Variants in ZNF804B observed in about 807,000 individuals in gnomAD.
ZNF804B encodes the protein zinc finger protein 804B.
Under a neutral mutation model 101.4 loss-of-function variants are expected in ZNF804B, and 80 were observed. That is an observed-to-expected ratio of 0.79 (90% confidence interval 0.66 to 0.95). The LOEUF (loss-of-function observed/expected upper bound fraction) is 0.95, where lower values mean the gene tolerates loss of function less well. ZNF804B is among the 40% of genes least tolerant of loss of function. The pLI is 0.00. For synonymous variants in ZNF804B, 622 were observed against 558.8 expected (o/e 1.11, Z -1.59); for missense variants, 1,673 against 1,561.9 (o/e 1.07, Z -1.20).
At chr7:88,806,612 G>A (rs1251085089) in intron 1 of ZNF804B, among the ~76,000 whole-genome samples, 1 of 151,548 alleles carries the variant, frequency 6.6e-6, no homozygotes, top group East Asian at 1.9e-4. Flanking sequence ...TATCTCATTT[G>A]AGGGGTGTGT....
chr7:89,303,282 A>G (rs1248065558), intron 2 of ZNF804B, among the ~76,000 whole-genome samples: 1 of 151,974 alleles, frequency 6.6e-6, no homozygotes, highest in Non-Finnish European at 1.5e-5. Context: ...GGATATTTCA[A>G]AGCTTTCATA....
At chr7:88,927,717 G>A (rs907234281) in intron 1 of ZNF804B, among the ~76,000 whole-genome samples, 2 of 152,012 alleles carry the variant, frequency 1.3e-5, no homozygotes, top group Non-Finnish European at 2.9e-5. Flanking sequence ...TTCCCCAAGT[G>A]ATCAACACTT....
intron 1 of ZNF804B, among the ~76,000 whole-genome samples, chr7:88,999,888 T>G (rs1414464730): frequency 1.3e-5 from 2 of 151,994 alleles, no homozygotes; most frequent in African/African-American, 4.8e-5. Context: ...CTTTGAAAAT[T>G]GTTAACAACT....
At chr7:89,137,906 G>A (rs1790660260) in intron 1 of ZNF804B, among the ~76,000 whole-genome samples, 1 of 152,068 alleles carries the variant, frequency 6.6e-6, no homozygotes, top group African/African-American at 2.4e-5. Flanking sequence ...GAGTCCCCAA[G>A]CTGTATGCAT....
At chr7:88,899,972 C>A (rs903365436) in intron 1 of ZNF804B, among the ~76,000 whole-genome samples, 1 of 152,008 alleles carries the variant, frequency 6.6e-6, no homozygotes, top group Non-Finnish European at 1.5e-5. Context: ...TTTTACTTGA[C>A]AAAAGGTATT....
intron 1 of ZNF804B, among the ~76,000 whole-genome samples, chr7:89,102,129 G>A (rs575591748): frequency 2.9e-4 from 44 of 152,028 alleles, no homozygotes; most frequent in African/African-American, 9.4e-4. Flanking sequence ...ATGGTGCTGT[G>A]ATAAACATGT....
At chr7:88,771,362 T>A (rs1790058406) in intron 1 of ZNF804B, among the ~76,000 whole-genome samples, 1 of 152,054 alleles carries the variant, frequency 6.6e-6, no homozygotes, top group Non-Finnish European at 1.5e-5. Flanking sequence ...TATTAAAGAA[T>A]AAAATAATAT....
intron 1 of ZNF804B, among the ~76,000 whole-genome samples, chr7:88,888,478 C>T (rs1583999029): frequency 6.6e-6 from 1 of 152,132 alleles, no homozygotes; most frequent in East Asian, 1.9e-4. Context: ...GATACTTTTA[C>T]AGTTGGTCTT....
intron 2 of ZNF804B, among the ~76,000 whole-genome samples, chr7:89,314,931 C>T (rs1334422838): frequency 3.9e-5 from 6 of 152,190 alleles, no homozygotes; most frequent in African/African-American, 1.4e-4. Context: ...CACCAAGTTC[C>T]TACTGGTGAA....
At chr7:89,207,077 C>A (rs747098387) in intron 1 of ZNF804B, among the ~76,000 whole-genome samples, 1 of 152,204 alleles carries the variant, frequency 6.6e-6, no homozygotes, top group Non-Finnish European at 1.5e-5. Context: ...AAGTTCCATA[C>A]TTTCCCATAT....
In ZNF804B at chr7:89,336,423, C is replaced by T. The variant is rs578206387; in HGVS notation, c.3441C>T (p.Pro1147=). 348 of 1,613,942 alleles carry T rather than the reference C, an allele frequency of 2.2e-4. No homozygotes were observed. The highest frequency in any genetic ancestry group is 2.8e-4 in the Non-Finnish European group (330 of 1,179,996). ...TCTCTCCCCCTTTAATTCAACAGCC[C>T]ATAACATTTTCTCCTGACGAAATAG... ...KSISPPLIQQ[P]ITFSPDEIDK... The change falls in exon 4 of 4, where the codon CCC becomes CCT. Residue 1147 remains proline, a synonymous_variant. Transcript: ENST00000333190.
chr7:89,129,737 A>G (rs375079437), intron 1 of ZNF804B, among the ~76,000 whole-genome samples: 2 of 151,996 alleles, frequency 1.3e-5, no homozygotes, highest in East Asian at 1.9e-4. Flanking sequence ...TAACTTCCTC[A>G]TGGTTATTAA....
chr7:89,237,121 G>A (rs534855934), intron 2 of ZNF804B, among the ~76,000 whole-genome samples: 33 of 152,074 alleles, frequency 2.2e-4, no homozygotes, highest in African/African-American at 7.2e-4. Context: ...AAAAAATTGT[G>A]AAGAAACTTA....
intron 1 of ZNF804B, among the ~76,000 whole-genome samples, chr7:88,971,611 G>T (rs1793538778): frequency 1.3e-5 from 2 of 151,534 alleles, no homozygotes; most frequent in Admixed American, 6.6e-5. Flanking sequence ...TTAAGATATG[G>T]AGATAAATTT....
At chr7:88,977,577 T>C (rs1024861564) in intron 1 of ZNF804B, among the ~76,000 whole-genome samples, 2 of 151,584 alleles carry the variant, frequency 1.3e-5, no homozygotes, top group African/African-American at 2.4e-5. Context: ...ATTTTTGCAA[T>C]ATCCATAGTA....
chr7:89,040,288 C>CT (rs1788996139), intron 1 of ZNF804B, among the ~76,000 whole-genome samples: 1 of 151,400 alleles, frequency 6.6e-6, no homozygotes, highest in African/African-American at 2.4e-5. Flanking sequence ...TTTCTTTACT[C>CT]TTTTTTATCC....
At chr7:88,827,461 G>A (rs1033023050) in intron 1 of ZNF804B, among the ~76,000 whole-genome samples, 11 of 151,290 alleles carry the variant, frequency 7.3e-5, no homozygotes, top group Non-Finnish European at 1.5e-4. Context: ...AGACAACTTG[G>A]GAACATATTC....
intron 1 of ZNF804B, among the ~76,000 whole-genome samples, chr7:88,809,072 A>AT (rs1177342327): frequency 6.6e-6 from 1 of 152,160 alleles, no homozygotes; most frequent in Non-Finnish European, 1.5e-5. Flanking sequence ...AAATAACTAA[A>AT]TTTGGCAGCA....
intron 1 of ZNF804B, among the ~76,000 whole-genome samples, chr7:89,043,547 T>C (rs1369030167): frequency 6.6e-6 from 1 of 152,202 alleles, no homozygotes; most frequent in East Asian, 1.9e-4. Flanking sequence ...AGAAACATAA[T>C]ATAGCATCAG....
Sources: gnomAD v4.1 joint callset for allele counts (sites outside exome capture counted in the v4.1 genomes callset) on GRCh38, gnomAD v4.1.1 for gene constraint, MANE v1.5 for transcripts, NCBI Gene and HGNC (gene_info 2026-07-23, HGNC 2026-07-21) for gene names.